CNBD1: variants seen among roughly 807,000 people sequenced by gnomAD.
CNBD1 encodes cyclic nucleotide binding domain containing 1.
CNBD1 carries 71 observed loss-of-function variants against 54.4 expected under a neutral mutation model. The observed-to-expected ratio is 1.30, with a 90% CI of 1.08 to 1.59. The LOEUF (loss-of-function observed/expected upper bound fraction) is 1.59. Among genes scored for constraint, CNBD1 ranks in the 40% most tolerant of loss-of-function variants. CNBD1 has a pLI of 0.00. For missense variants in CNBD1, 659 were observed against 518.0 expected, an observed-to-expected ratio of 1.27 and a Z score of -2.64; for synonymous variants, 182 against 170.7, an observed-to-expected ratio of 1.07 and a Z score of -0.51.
chr8:87,406,202 T>C (rs192365260), intron 2 of CNBD1, among the ~76,000 whole-genome samples: 6 of 152,160 alleles, frequency 3.9e-5, no homozygotes, highest in African/African-American at 1.2e-4. Context: ...TTGAGTCCAA[T>C]CTTTGTTCAT....
intron 8 of CNBD1, among the ~76,000 whole-genome samples, chr8:87,293,454 G>A (rs776428396): frequency 6.6e-6 from 1 of 152,098 alleles, no homozygotes; most frequent in Non-Finnish European, 1.5e-5. Flanking sequence ...TGAGGCAGGA[G>A]AATCTCTTGA....
At chr8:87,032,734 G>A (rs983975830) in intron 4 of CNBD1, among the ~76,000 whole-genome samples, 4 of 152,090 alleles carry the variant, frequency 2.6e-5, no homozygotes, top group African/African-American at 7.2e-5. Context: ...TAGTTTCATT[G>A]CCCATATTGT....
intron 8 of CNBD1, among the ~76,000 whole-genome samples, chr8:87,347,722 C>A (rs1291430966): frequency 1.3e-5 from 2 of 152,088 alleles, no homozygotes; most frequent in Non-Finnish European, 2.9e-5. Context: ...ATAATCTCTT[C>A]TTCCTTGATC....
rs1217973128 is a variant in CNBD1 at position 87,286,525 on chromosome 8, A to T, written c.910-14A>T. ...GCCTGTTATTAAAAATTTGATAATGACATTCTGTTTTAGGAAAAAATAAAA... is the reference window on the plus strand; with the variant it reads ...GCCTGTTATTAAAAATTTGATAATGTCATTCTGTTTTAGGAAAAAATAAAA... On this transcript the variant is annotated splice_polypyrimidine_tract_variant and intron_variant, in intron 7 of 10. Transcript: ENST00000518476. 1 of 1,351,378 alleles carries T rather than the reference A, an allele frequency of 7.4e-7. No homozygotes were observed. 83.7% of individuals were successfully genotyped at this position (1,351,378 alleles called of 1,614,324 possible). A position where few individuals can be genotyped will look rare whatever the true frequency, so the allele number is the denominator to read the frequency against.
chr8:87,323,801 T>C (rs1809597887), intron 8 of CNBD1, among the ~76,000 whole-genome samples: 1 of 81,180 alleles, frequency 1.2e-5, no homozygotes, highest in Admixed American at 1.1e-4. Context: ...TATTTCCTTC[T>C]CCTGCCTGAT....
At chr8:87,296,484 A>G (rs771722228) in intron 8 of CNBD1, among the ~76,000 whole-genome samples, 3 of 152,172 alleles carry the variant, frequency 2.0e-5, no homozygotes, top group Non-Finnish European at 4.4e-5. Flanking sequence ...AAAAGTAAAT[A>G]AGGCCAAAGG....
At chr8:87,363,814 C>T (rs1038345780) in intron 10 of CNBD1, among the ~76,000 whole-genome samples, 1 of 152,026 alleles carries the variant, frequency 6.6e-6, no homozygotes, top group Non-Finnish European at 1.5e-5. Flanking sequence ...TGCCTGTTCA[C>T]TCTGATGATA....
At chr8:87,423,864 C>G (rs947471740) in intron 2 of CNBD1, among the ~76,000 whole-genome samples, 1 of 152,162 alleles carries the variant, frequency 6.6e-6, no homozygotes, top group Non-Finnish European at 1.5e-5. Context: ...CCAGTTCCTC[C>G]TTGTACCTCT....
At chr8:87,318,482 A>G (rs1006691212) in intron 8 of CNBD1, among the ~76,000 whole-genome samples, 1 of 152,014 alleles carries the variant, frequency 6.6e-6, no homozygotes, top group African/African-American at 2.4e-5. Context: ...TCTGTCCAAT[A>G]CACCATACGT....
chr8:86,994,233 A>G (rs1808819170), intron 4 of CNBD1, among the ~76,000 whole-genome samples: 1 of 152,206 alleles, frequency 6.6e-6, no homozygotes, highest in Non-Finnish European at 1.5e-5. Context: ...GTTGAGCTGC[A>G]ACTGTGCTGA....
intron 4 of CNBD1, among the ~76,000 whole-genome samples, chr8:87,204,425 T>C (rs954726841): frequency 5.3e-5 from 8 of 152,320 alleles, no homozygotes; most frequent in African/African-American, 1.9e-4. Flanking sequence ...AGCACCTTTA[T>C]TTAACTGAGA....
At chr8:87,329,737 A>G (rs1430170542) in intron 8 of CNBD1, among the ~76,000 whole-genome samples, 1 of 151,980 alleles carries the variant, frequency 6.6e-6, no homozygotes, top group South Asian at 2.1e-4. Context: ...TGACTTGTGT[A>G]TATTAACCTT....
At chr8:87,143,951 G>A (rs997005699) in intron 4 of CNBD1, among the ~76,000 whole-genome samples, 1 of 152,116 alleles carries the variant, frequency 6.6e-6, no homozygotes, top group Admixed American at 6.6e-5. Context: ...ATAACACTGC[G>A]TCCTGGGTAA....
intron 6 of CNBD1, among the ~76,000 whole-genome samples, chr8:87,242,906 T>A (rs1418821030): frequency 1.3e-5 from 2 of 152,182 alleles, no homozygotes; most frequent in Non-Finnish European, 2.9e-5. Context: ...CTTGTATCAA[T>A]TACTAGCTAG....
intron 4 of CNBD1, among the ~76,000 whole-genome samples, chr8:86,960,238 G>A (rs1410242489): frequency 2.6e-5 from 4 of 152,150 alleles, no homozygotes; most frequent in Non-Finnish European, 4.4e-5. Context: ...TACTAGCCAA[G>A]GGAAGCCATG....
At chr8:87,241,626 C>G (rs1254893473) in intron 6 of CNBD1, among the ~76,000 whole-genome samples, 1 of 152,100 alleles carries the variant, frequency 6.6e-6, no homozygotes, top group East Asian at 1.9e-4. Context: ...GTGTCACATA[C>G]TAACGCAGGA....
chr8:87,425,577 A>C (rs572612725), intron 2 of CNBD1, among the ~76,000 whole-genome samples: 4,038 of 152,054 alleles, frequency 0.027, 56 homozygotes, highest in Non-Finnish European at 0.036. Flanking sequence ...AGTACCCTGC[A>C]GTGTGAGGTG....
chr8:87,368,532 G>T (rs975423476), intron 10 of CNBD1, among the ~76,000 whole-genome samples: 2 of 151,888 alleles, frequency 1.3e-5, no homozygotes. Context: ...CAGCTACTTG[G>T]TGGACTAAGG....
rs552161003 is a variant in CNBD1 at position 87,172,598 on chromosome 8, C to A, written c.432-33395C>A. Among the ~76,000 whole-genome samples the A allele has an allele frequency of 2.0e-5, 3 of 152,062 alleles. No homozygotes were observed. In the East Asian group the frequency reaches 5.8e-4, roughly 29 times the overall value. Reference sequence around the variant, plus strand: ...TATTTACAATTATTATATATTCTTGCTGAATTGACCTGTTTATCATTATAT... The same window carrying A: ...TATTTACAATTATTATATATTCTTGATGAATTGACCTGTTTATCATTATAT... On this transcript the variant is annotated intron_variant, in intron 4 of 10. Coordinates refer to ENST00000518476, the MANE Select transcript of CNBD1 (RefSeq NM_173538.3).
Sources: allele counts gnomAD v4.1 joint callset (sites outside exome capture counted in the v4.1 genomes callset), GRCh38; gene constraint gnomAD v4.1.1; transcripts MANE v1.5; gene names NCBI Gene and HGNC (gene_info 2026-07-23, HGNC 2026-07-21).